Variants in ZYG11B observed in about 807,000 individuals in gnomAD.
ZYG11B encodes protein zyg-11 homolog B.
Under a neutral mutation model 82.4 loss-of-function variants are expected in ZYG11B, and 36 were observed. The ratio of observed to expected loss-of-function variants is 0.44; its 90% CI spans 0.33 to 0.58. ZYG11B has a LOEUF of 0.58. Ranked by LOEUF, ZYG11B falls within the 20% of genes least tolerant of loss-of-function variation. The pLI is 0.02. For synonymous variants in ZYG11B, 303 were observed against 312.8 expected, an observed-to-expected ratio of 0.97 and a Z score of 0.33; for missense variants, 552 against 895.6, an observed-to-expected ratio of 0.62 and a Z score of 4.90.
At chr1:52,792,838 T>TATTC (rs1644970820) in intron 6 of ZYG11B, among the ~76,000 whole-genome samples, 1 of 152,046 alleles carries the variant, frequency 6.6e-6, no homozygotes, top group Non-Finnish European at 1.5e-5. Flanking sequence ...GTTTTTATTT[T>TATTC]ATTTATTTAT....
chr1:52,738,821 G>C (rs2149920106), intron 1 of ZYG11B, among the ~76,000 whole-genome samples: 1 of 151,622 alleles, frequency 6.6e-6, no homozygotes, highest in East Asian at 1.9e-4. Flanking sequence ...GTTTCTCCAT[G>C]TTGGTCTCAA....
chr1:52,742,790 C>A (rs536932525), intron 1 of ZYG11B, among the ~76,000 whole-genome samples: 1 of 149,254 alleles, frequency 6.7e-6, no homozygotes, highest in East Asian at 2.0e-4. Context: ...TGCAGTGAGC[C>A]GAGATCGTGC....
chr1:52,811,186 A>AT (rs1241601684), intron 10 of ZYG11B, among the ~76,000 whole-genome samples: 5 of 151,792 alleles, frequency 3.3e-5, no homozygotes, highest in African/African-American at 9.7e-5. Context: ...TTTTGCTTTG[A>AT]TTTTTTGAAT....
At position 52,826,522 on chromosome 1, in the gene ZYG11B, A is replaced by G. The variant is rs1270598057; in HGVS notation, c.*4893A>G. 6.6e-6 allele frequency: 1 copy of G among 152,238 alleles called. No homozygotes were observed. The highest frequency in any genetic ancestry group is 1.5e-5 in the Non-Finnish European group (1 of 68,046). 9.4% of individuals were successfully genotyped at this position (152,238 alleles called of 1,614,324 possible). On this transcript the variant is annotated 3_prime_UTR_variant, in exon 14 of 14. Coordinates refer to ENST00000294353, the MANE Select transcript of ZYG11B (RefSeq NM_024646.3). ...TTATTTAGTATTTCATAGACTTTGC[A>G]TGATATGGTACACTCCTAATTATGC...
chr1:52,770,661 G>C (rs1644742250), intron 2 of ZYG11B, among the ~76,000 whole-genome samples: 1 of 152,176 alleles, frequency 6.6e-6, no homozygotes, highest in Admixed American at 6.5e-5. Flanking sequence ...CTGGCTCTCA[G>C]GTGCTTCAAC....
At chr1:52,734,648 C>G (rs1250890219) in intron 1 of ZYG11B, among the ~76,000 whole-genome samples, 1 of 148,426 alleles carries the variant, frequency 6.7e-6, no homozygotes, top group Non-Finnish European at 1.5e-5. Flanking sequence ...GAAACTCTGG[C>G]TCCAAAAAAA....
Position 52,796,282 on chromosome 1 carries a change from G to C in ZYG11B, c.1335-10G>C. On this transcript the variant is annotated splice_polypyrimidine_tract_variant and intron_variant, in intron 6 of 13. Coordinates refer to ENST00000294353, the MANE Select transcript of ZYG11B (RefSeq NM_024646.3). Reference sequence around the variant, plus strand: ...ACGATTAATTCATGAAACCCTTTTTGTGTTTTCAGGTTTGAAGCAGCCAAG... The same window carrying C: ...ACGATTAATTCATGAAACCCTTTTTCTGTTTTCAGGTTTGAAGCAGCCAAG... 1 of 1,607,772 alleles carries C rather than the reference G, an allele frequency of 6.2e-7. No individual in the cohort carries two copies. Among genetic ancestry groups the C allele is most frequent in the South Asian group, 1.1e-5 (1 of 90,536 alleles).
intron 1 of ZYG11B, among the ~76,000 whole-genome samples, chr1:52,745,488 C>T (rs1644468191): frequency 6.6e-6 from 1 of 152,150 alleles, no homozygotes; most frequent in Non-Finnish European, 1.5e-5. Flanking sequence ...TTACTTCTTA[C>T]TCAGTAGACA....
intron 3 of ZYG11B, chr1:52,772,387 G>A: frequency 6.5e-7 from 1 of 1,548,506 alleles, no homozygotes. Flanking sequence ...AAATGGTAGA[G>A]ATCTTCAGGA....
chr1:52,767,916 C>T (rs558545989), intron 2 of ZYG11B, among the ~76,000 whole-genome samples: 3 of 152,238 alleles, frequency 2.0e-5, no homozygotes, highest in Middle Eastern at 3.4e-3. Flanking sequence ...AGTTCAGGCT[C>T]CCCAGAAGGT....
intron 1 of ZYG11B, among the ~76,000 whole-genome samples, chr1:52,733,609 A>T (rs966257408): frequency 6.6e-6 from 1 of 152,128 alleles, no homozygotes; most frequent in African/African-American, 2.4e-5. Context: ...TGCAGTGAGC[A>T]GGGTTCACAC....
intron 1 of ZYG11B, among the ~76,000 whole-genome samples, chr1:52,746,687 G>GTTTTTTTTTTTTTTTTTTTTTT (rs11446988): frequency 6.0e-5 from 2 of 33,506 alleles, no homozygotes; most frequent in African/African-American, 2.5e-4. Context: ...ATCGGCCACT[G>GTTTTTTTTTTTTTTTTTTTTTT]TTTTTTTTTT....
chr1:52,816,516 T>A lies in ZYG11B; in HGVS notation c.1947-16T>A, dbSNP rs779584745. 1 of 1,564,874 alleles carries A rather than the reference T, an allele frequency of 6.4e-7. No homozygotes were observed. Among genetic ancestry groups the A allele is most frequent in the South Asian group, 1.2e-5 (1 of 85,788 alleles). ...ATATGGGATGTAACTTTGATTCTTT[T>A]CTTTTGAACCTTTAGGTCCTTTAAT... On this transcript the variant is annotated splice_polypyrimidine_tract_variant and intron_variant, in intron 12 of 13. Transcript: ENST00000294353.
chr1:52,744,651 A>G (rs10788941), intron 1 of ZYG11B, among the ~76,000 whole-genome samples: 95,394 of 152,014 alleles, frequency 0.63, 31,936 homozygotes, highest in East Asian at 0.97. Flanking sequence ...GACCATCCTG[A>G]CTAACATGGT....
intron 1 of ZYG11B, among the ~76,000 whole-genome samples, chr1:52,730,856 A>T (rs1644325173): frequency 6.6e-6 from 1 of 151,378 alleles, no homozygotes. Flanking sequence ...AAAAAAAAAA[A>T]ATAGAAAGGA....
intron 2 of ZYG11B, among the ~76,000 whole-genome samples, chr1:52,766,109 AT>A (rs140243986): frequency 7.0e-6 from 1 of 142,956 alleles, no homozygotes; most frequent in Non-Finnish European, 1.5e-5. Context: ...TCCTTATTAA[AT>A]TTTTTTTAAA....
chr1:52,729,263 C>T (rs1383274695), intron 1 of ZYG11B, among the ~76,000 whole-genome samples: 1 of 152,134 alleles, frequency 6.6e-6, no homozygotes, highest in Admixed American at 6.6e-5. Context: ...CCCAAAGGCC[C>T]CACCTCCTCA....
At chr1:52,809,349 C>G (rs940235372) in intron 10 of ZYG11B, among the ~76,000 whole-genome samples, 1 of 152,260 alleles carries the variant, frequency 6.6e-6, no homozygotes, top group Admixed American at 6.5e-5. Flanking sequence ...TCTGCAGGCC[C>G]TGGTAACCAC....
intron 1 of ZYG11B, among the ~76,000 whole-genome samples, chr1:52,743,032 G>A (rs1228511603): frequency 7.2e-5 from 11 of 151,918 alleles, no homozygotes; most frequent in Non-Finnish European, 1.0e-4. Flanking sequence ...CCCTCTGCCC[G>A]GCCGCCACCC....
Sources: gnomAD v4.1 joint callset for allele counts (sites outside exome capture counted in the v4.1 genomes callset) on GRCh38, gnomAD v4.1.1 for gene constraint, MANE v1.5 for transcripts, NCBI Gene and HGNC (gene_info 2026-07-23, HGNC 2026-07-21) for gene names.